The following PRDX6 variants were observed in gnomAD, a reference collection of about 807,000 sequenced individuals.
PRDX6 encodes peroxiredoxin 6.
PRDX6 carries 13 observed loss-of-function variants against 20.0 expected under a neutral mutation model. That is an observed-to-expected ratio of 0.65 (90% confidence interval 0.42 to 1.03). PRDX6 has a LOEUF of 1.03. Among genes scored for constraint, PRDX6 ranks in the 50% least tolerant of loss-of-function variants. The pLI, the probability that PRDX6 is intolerant of heterozygous loss-of-function variation, is 0.00. For missense variants in PRDX6, 203 were observed against 276.9 expected, an observed-to-expected ratio of 0.73 and a Z score of 1.89; for synonymous variants, 85 against 100.8, an observed-to-expected ratio of 0.84 and a Z score of 0.94.
chr1:173,486,210 A>G lies in PRDX6; in HGVS notation c.400-45A>G, dbSNP rs372619471. 1.7e-4 allele frequency: 255 copies of G among 1,505,034 alleles called. No homozygotes were observed. In the African/African-American group the frequency reaches 2.8e-3, roughly 17 times the overall value. The allele number at this position is 1,505,034 out of a possible 1,614,324, so 93.2% of individuals were successfully genotyped here. A position where few individuals can be genotyped will look rare whatever the true frequency, so the allele number is the denominator to read the frequency against. On this transcript the variant is annotated intron_variant, in intron 3 of 4. Coordinates refer to ENST00000340385, the MANE Select transcript of PRDX6 (RefSeq NM_004905.3). ...CAGAGCTTTCTAAGTGGCTTTAATA[A>G]CACTCAAAGAACTCTTCCTATTTAT... is the stretch of plus-strand genomic sequence containing the variant.
rs1658710425 is a variant in PRDX6 at position 173,477,378 on chromosome 1, GC to G, written c.-15del. ...ACCGGTTGCTTGCTGTCCCAGCGGC[GC>G]CCCCTCATCACCGTCGCCATGCCCG... On this transcript the variant is annotated 5_prime_UTR_variant, in exon 1 of 5. Transcript: ENST00000340385. The G allele has an allele frequency of 1.9e-6, 3 of 1,591,776 alleles. No individual in the cohort carries two copies. Among genetic ancestry groups the G allele is most frequent in the Non-Finnish European group, 2.6e-6 (3 of 1,167,146 alleles).
At chr1:173,482,385 TAGTAG>T (rs1658818688) in intron 2 of PRDX6, among the ~76,000 whole-genome samples, 1 of 152,246 alleles carries the variant, frequency 6.6e-6, no homozygotes, top group South Asian at 2.1e-4. Flanking sequence ...TGTTTCTTCC[TAGTAG>T]AGTATAAACT....
intron 1 of PRDX6, among the ~76,000 whole-genome samples, chr1:173,478,811 T>C (rs982890820): frequency 6.6e-6 from 1 of 152,224 alleles, no homozygotes; most frequent in Admixed American, 6.5e-5. Flanking sequence ...CTTAAGTCCC[T>C]TTTCCAGCCA....
At chr1:173,477,536 G>A (rs1398691081) in intron 1 of PRDX6, 44 bp downstream of exon 1, 16 of 1,481,732 alleles carry the variant, frequency 1.1e-5, no homozygotes, top group Non-Finnish European at 1.5e-5. Flanking sequence ...CGGTTGCGCC[G>A]GACTCGGAGG....
Position 173,486,371 on chromosome 1 carries a change from A to G in PRDX6, c.516A>G (p.Glu172=), listed in dbSNP as rs764786091. The change falls in exon 4 of 5, where the codon GAA becomes GAG. Residue 172 remains glutamate (E), a synonymous_variant. Coordinates refer to ENST00000340385, the MANE Select transcript of PRDX6 (RefSeq NM_004905.3). Reference sequence around the variant, plus strand: ...TCATCTCTCTCCAGCTGACAGCAGAAAAAAGGGTTGCCACCCCAGTTGATT... The same window carrying G: ...TCATCTCTCTCCAGCTGACAGCAGAGAAAAGGGTTGCCACCCCAGTTGATT... The part of the protein sequence containing the change: ...RVVISLQLTA[E]KRVATPVDWK... 1.9e-6 allele frequency: 3 copies of G among 1,611,332 alleles called. No homozygotes were observed. The highest frequency in any genetic ancestry group is 3.4e-5 in the Admixed American group (2 of 59,502).
chr1:173,488,043 C>T lies in PRDX6; in HGVS notation c.*180C>T. The T allele has an allele frequency of 1.5e-6, 1 of 653,888 alleles. No homozygotes were observed. Among genetic ancestry groups the T allele is most frequent in the East Asian group, 2.8e-5 (1 of 35,356 alleles). The allele number at this position is 653,888 out of a possible 1,614,324, so 40.5% of individuals were successfully genotyped here. ...TTCTTGAGATTCTTTATACTCTCTG[C>T]CTTCAGCAATCAATTCCATTCATAC... On this transcript the variant is annotated 3_prime_UTR_variant, in exon 5 of 5. Coordinates refer to ENST00000340385, the MANE Select transcript of PRDX6 (RefSeq NM_004905.3).
At chr1:173,478,077 T>A (rs1436648123) in intron 1 of PRDX6, among the ~76,000 whole-genome samples, 1 of 152,196 alleles carries the variant, frequency 6.6e-6, no homozygotes, top group Non-Finnish European at 1.5e-5. Flanking sequence ...GGTGCAGTGG[T>A]ATTTGCAGGC....
intron 1 of PRDX6, 32 bp downstream of exon 1, chr1:173,477,524 C>G (rs1209329809): frequency 6.4e-7 from 1 of 1,553,372 alleles, no homozygotes; most frequent in African/African-American, 1.4e-5. Context: ...CTGTCCTGGC[C>G]TCGGTTGCGC....
At position 173,488,056 on chromosome 1, in the gene PRDX6, A is replaced by G. The variant is rs1253498600; in HGVS notation, c.*193A>G. 1 of 608,056 alleles carries G rather than the reference A, an allele frequency of 1.6e-6. No homozygotes were observed. 37.7% of individuals were successfully genotyped at this position (608,056 alleles called of 1,614,324 possible). On this transcript the variant is annotated 3_prime_UTR_variant, in exon 5 of 5. Transcript: ENST00000340385. ...TTATACTCTCTGCCTTCAGCAATCA[A>G]TTCCATTCATACATCAGCACTCTGC...
At chr1:173,486,975 C>T (rs562839969) in intron 4 of PRDX6, among the ~76,000 whole-genome samples, 1 of 152,114 alleles carries the variant, frequency 6.6e-6, no homozygotes, top group Non-Finnish European at 1.5e-5. Context: ...AGACAAATCA[C>T]TTAAATTCTG....
Position 173,486,238 on chromosome 1 carries a change from C to T in PRDX6, c.400-17C>T. On this transcript the variant is annotated splice_polypyrimidine_tract_variant and intron_variant, in intron 3 of 4. Transcript: ENST00000340385. ...CTCAAAGAACTCTTCCTATTTATGC[C>T]CCTCTGTGCTTTACAGGTGTTTGTT... 6.4e-7 allele frequency: 1 copy of T among 1,562,390 alleles called. No individual in the cohort carries two copies. The highest frequency in any genetic ancestry group is 8.6e-7 in the Non-Finnish European group (1 of 1,157,032).
In PRDX6 at chr1:173,486,370, A is replaced by G. The variant is rs1375912388; in HGVS notation, c.515A>G (p.Glu172Gly). The G allele has an allele frequency of 1.2e-6, 2 of 1,610,588 alleles. No homozygotes were observed. Among genetic ancestry groups the G allele is most frequent in the Non-Finnish European group, 1.7e-6 (2 of 1,178,568 alleles). ...RVVISLQLTA[E>G]KRVATPVDWK... is the part of the protein sequence containing the mutation. ...GTCATCTCTCTCCAGCTGACAGCAGAAAAAAGGGTTGCCACCCCAGTTGAT... is the reference window on the plus strand; with the variant it reads ...GTCATCTCTCTCCAGCTGACAGCAGGAAAAAGGGTTGCCACCCCAGTTGAT... Residue 172 changes from glutamate to glycine, a missense_variant, in exon 4 of 5, where the codon GAA (glutamate) becomes GGA (glycine). Coordinates refer to ENST00000340385, the MANE Select transcript of PRDX6 (RefSeq NM_004905.3).
chr1:173,481,691 A>G lies in PRDX6; in HGVS notation c.252+209A>G, dbSNP rs931586037. On this transcript the variant is annotated intron_variant, in intron 2 of 4. Coordinates refer to ENST00000340385, the MANE Select transcript of PRDX6 (RefSeq NM_004905.3). Reference sequence around the variant, plus strand: ...GCCCTCCTCTTGGCCTGCCAGCAGCATTCAACCCAGCTGATCACTGTACCT... The same window carrying G: ...GCCCTCCTCTTGGCCTGCCAGCAGCGTTCAACCCAGCTGATCACTGTACCT... The G allele has an allele frequency of 7.1e-6, 4 of 562,792 alleles. No homozygotes were observed. In the Admixed American group the frequency reaches 1.0e-4, roughly 14 times the overall value. 34.9% of individuals were successfully genotyped at this position (562,792 alleles called of 1,614,324 possible).
intron 4 of PRDX6, among the ~76,000 whole-genome samples, chr1:173,487,130 T>G (rs2101860351): frequency 6.6e-6 from 1 of 152,154 alleles, no homozygotes; most frequent in Admixed American, 6.5e-5. Context: ...AGTAAACAAG[T>G]TTATTAAGTG....
At chr1:173,478,271 A>G (rs575593722) in intron 1 of PRDX6, among the ~76,000 whole-genome samples, 1 of 152,276 alleles carries the variant, frequency 6.6e-6, no homozygotes, top group Non-Finnish European at 1.5e-5. Context: ...GGAGGGAAGG[A>G]CTTTCTGACG....
chr1:173,477,575 C>A, intron 1 of PRDX6, 83 bp downstream of exon 1: 1 of 1,198,520 alleles, frequency 8.3e-7, no homozygotes, highest in Non-Finnish European at 1.2e-6. Context: ...TCCCTGCCGT[C>A]CTCCCGGCCG....
intron 2 of PRDX6, among the ~76,000 whole-genome samples, chr1:173,482,825 A>G (rs755482616): frequency 6.6e-6 from 1 of 152,172 alleles, no homozygotes; most frequent in Non-Finnish European, 1.5e-5. Flanking sequence ...TTCATTCCTT[A>G]CACTTCTCAG....
intron 2 of PRDX6, among the ~76,000 whole-genome samples, chr1:173,484,705 C>A (rs1658866930): frequency 6.6e-6 from 1 of 151,882 alleles, no homozygotes; most frequent in Admixed American, 6.6e-5. Context: ...TTCTTTAGTT[C>A]AGACTTGAAA....
chr1:173,481,617 G>T, intron 2 of PRDX6, 135 bp downstream of exon 2: 1 of 905,674 alleles, frequency 1.1e-6, no homozygotes, highest in Non-Finnish European at 1.7e-6. Context: ...AATTTCAGTT[G>T]AACCACACAG....
Sources: gnomAD v4.1 joint callset for allele counts (sites outside exome capture counted in the v4.1 genomes callset) on GRCh38, gnomAD v4.1.1 for gene constraint, MANE v1.5 for transcripts, NCBI Gene and HGNC (gene_info 2026-07-23, HGNC 2026-07-21) for gene names.